NKAIN3: variants seen among roughly 807,000 people sequenced by gnomAD.
NKAIN3 encodes sodium/potassium transporting ATPase interacting 3.
In NKAIN3, 25 loss-of-function variants were observed where a neutral mutation model predicts 30.2. The observed-to-expected ratio is 0.83, with a 90% confidence interval of 0.60 to 1.16. The LOEUF is 1.16. Among genes scored for constraint, NKAIN3 ranks in the 50% most tolerant of loss-of-function variants. The pLI is 0.00. For missense variants in NKAIN3, 225 were observed against 254.1 expected (o/e 0.89, Z 0.78); for synonymous variants, 91 against 89.6 (o/e 1.02, Z -0.09).
At chr8:62,376,127 A>G (rs1817074832) in intron 1 of NKAIN3, among the ~76,000 whole-genome samples, 1 of 152,190 alleles carries the variant, frequency 6.6e-6, no homozygotes, top group African/African-American at 2.4e-5. Context: ...TGAGCTATGA[A>G]AACTTTCCTA....
chr8:62,429,274 T>C (rs1485357175), intron 1 of NKAIN3, among the ~76,000 whole-genome samples: 1 of 151,900 alleles, frequency 6.6e-6, no homozygotes, highest in African/African-American at 2.4e-5. Context: ...TGTTTTGAGG[T>C]ATATTTCTTC....
At chr8:62,809,338 A>G (rs961138070) in intron 4 of NKAIN3, among the ~76,000 whole-genome samples, 4 of 152,240 alleles carry the variant, frequency 2.6e-5, no homozygotes, top group African/African-American at 9.6e-5. Flanking sequence ...CAGGCATAGG[A>G]AATCACAAGA....
intron 3 of NKAIN3, among the ~76,000 whole-genome samples, chr8:62,641,815 T>G (rs1812315926): frequency 6.6e-6 from 1 of 152,194 alleles, no homozygotes; most frequent in Non-Finnish European, 1.5e-5. Context: ...TTTTCTGTGC[T>G]ACAAATCTTA....
chr8:62,358,290 A>G (rs1021446223), intron 1 of NKAIN3, among the ~76,000 whole-genome samples: 2 of 132,968 alleles, frequency 1.5e-5, no homozygotes, highest in Non-Finnish European at 3.1e-5. Flanking sequence ...TAGTAGTTTG[A>G]TAATTAGGCT....
At chr8:62,532,762 C>A (rs1031414371) in intron 1 of NKAIN3, among the ~76,000 whole-genome samples, 1 of 151,984 alleles carries the variant, frequency 6.6e-6, no homozygotes, top group East Asian at 1.9e-4. Flanking sequence ...TGAAGCTTTC[C>A]CCAGCAGCTT....
At chr8:62,300,069 T>C (rs1459050919) in intron 1 of NKAIN3, among the ~76,000 whole-genome samples, 4 of 152,082 alleles carry the variant, frequency 2.6e-5, no homozygotes, top group African/African-American at 9.7e-5. Context: ...TCACGTCCTA[T>C]AGTAGCTGTA....
chr8:62,731,990 G>A (rs930305387), intron 3 of NKAIN3, among the ~76,000 whole-genome samples: 3 of 151,786 alleles, frequency 2.0e-5, no homozygotes, highest in African/African-American at 7.3e-5. Context: ...ATCTCATTAA[G>A]AATATATAAT....
At chr8:62,372,821 A>G (rs891552286) in intron 1 of NKAIN3, among the ~76,000 whole-genome samples, 8 of 152,094 alleles carry the variant, frequency 5.3e-5, no homozygotes, top group Admixed American at 6.5e-5. Context: ...AAGAGTCTCT[A>G]TCTTTTACCT....
intron 4 of NKAIN3, among the ~76,000 whole-genome samples, chr8:62,764,474 A>ATT (rs11400398): frequency 0.026 from 3,985 of 150,932 alleles, 179 homozygotes; most frequent in African/African-American, 0.091. Flanking sequence ...ACAAATAAGT[A>ATT]TTTTTTTTTG....
chr8:62,634,112 CAT>C (rs750082452), intron 3 of NKAIN3, among the ~76,000 whole-genome samples: 1 of 151,976 alleles, frequency 6.6e-6, no homozygotes, highest in Non-Finnish European at 1.5e-5. Flanking sequence ...GTTGAATAAA[CAT>C]AGAAATTGAC....
chr8:62,579,740 T>A, intron 2 of NKAIN3, 64 bp downstream of exon 2: 1 of 988,802 alleles, frequency 1.0e-6, no homozygotes, highest in Non-Finnish European at 1.4e-6. Context: ...AGAATATAAA[T>A]AAAATATTTC....
At chr8:62,951,653 G>A (rs1381260018) in intron 5 of NKAIN3, among the ~76,000 whole-genome samples, 1 of 151,878 alleles carries the variant, frequency 6.6e-6, no homozygotes, top group African/African-American at 2.4e-5. Flanking sequence ...AATGGGGACG[G>A]TGTTTCCCCA....
intron 1 of NKAIN3, among the ~76,000 whole-genome samples, chr8:62,458,639 G>A (rs1308009573): frequency 6.6e-6 from 1 of 152,208 alleles, no homozygotes; most frequent in Non-Finnish European, 1.5e-5. Context: ...TTTGTCAAAT[G>A]AAAGGTCTTT....
At chr8:62,609,930 A>T (rs1375477519) in intron 3 of NKAIN3, among the ~76,000 whole-genome samples, 3 of 151,620 alleles carry the variant, frequency 2.0e-5, no homozygotes, top group African/African-American at 7.3e-5. Context: ...ATTTGGTCTC[A>T]GTATAATGGA....
At chr8:62,578,711 C>A (rs1014234922) in intron 1 of NKAIN3, among the ~76,000 whole-genome samples, 2 of 151,632 alleles carry the variant, frequency 1.3e-5, no homozygotes, top group African/African-American at 2.4e-5. Context: ...GCCTGGAGTT[C>A]TTTGTTTTTG....
At chr8:62,848,387 C>A (rs1357714843) in intron 4 of NKAIN3, among the ~76,000 whole-genome samples, 1 of 152,030 alleles carries the variant, frequency 6.6e-6, no homozygotes, top group African/African-American at 2.4e-5. Flanking sequence ...TCCTTCATTT[C>A]TCTTGTTAGC....
intron 1 of NKAIN3, among the ~76,000 whole-genome samples, chr8:62,530,612 A>T (rs1027798045): frequency 6.6e-6 from 1 of 151,970 alleles, no homozygotes; most frequent in Non-Finnish European, 1.5e-5. Flanking sequence ...GTACATACGT[A>T]TGTATGTATT....
chr8:62,764,463 T>C (rs1412082759), intron 4 of NKAIN3, among the ~76,000 whole-genome samples: 1 of 127,038 alleles, frequency 7.9e-6, no homozygotes, highest in Non-Finnish European at 1.8e-5. Context: ...AAAGGTAATA[T>C]ACAAATAAGT....
chr8:62,928,037 A>T (rs1390721105), intron 5 of NKAIN3, among the ~76,000 whole-genome samples: 1 of 152,190 alleles, frequency 6.6e-6, no homozygotes, highest in Admixed American at 6.5e-5. Context: ...ACTCATCTTC[A>T]TGTTCTCTAG....
Sources: gnomAD v4.1 joint callset for allele counts (sites outside exome capture counted in the v4.1 genomes callset) on GRCh38, gnomAD v4.1.1 for gene constraint, MANE v1.5 for transcripts, NCBI Gene and HGNC (gene_info 2026-07-23, HGNC 2026-07-21) for gene names.